Variants in FBXO42 observed in about 807,000 individuals in gnomAD.
The protein encoded by FBXO42 is F-box protein 42, also known as F-box only protein 42.
Under a neutral mutation model 71.7 loss-of-function variants are expected in FBXO42, and 12 were observed. The ratio of observed to expected loss-of-function variants is 0.17; its 90% confidence interval spans 0.11 to 0.27. FBXO42 has a LOEUF of 0.27. Ranked by LOEUF, FBXO42 falls within the 10% of genes least tolerant of loss-of-function variation. FBXO42 has a pLI of 1.00. For synonymous variants in FBXO42, 325 were observed against 327.5 expected, an observed-to-expected ratio of 0.99 and a Z score of 0.08; for missense variants, 707 against 911.9, an observed-to-expected ratio of 0.78 and a Z score of 2.89.
chr1:16,270,516 C>A (rs2081827688), intron 4 of FBXO42, among the ~76,000 whole-genome samples: 1 of 151,574 alleles, frequency 6.6e-6, no homozygotes, highest in African/African-American at 2.4e-5. Context: ...TTCTTTTCAT[C>A]ATCCTTCACT....
chr1:16,323,187 G>A (rs1557601815), intron 1 of FBXO42, among the ~76,000 whole-genome samples: 1 of 151,978 alleles, frequency 6.6e-6, no homozygotes, highest in Admixed American at 6.6e-5. Context: ...GGGAGGCCAA[G>A]GCGGAGGAAT....
chr1:16,336,910 G>A (rs1021989772), intron 1 of FBXO42, among the ~76,000 whole-genome samples: 4 of 152,080 alleles, frequency 2.6e-5, no homozygotes, highest in Non-Finnish European at 5.9e-5. Flanking sequence ...ACTTGAACCC[G>A]GGAGGTGGAG....
At chr1:16,349,819 T>C (rs1229134478) in intron 1 of FBXO42, among the ~76,000 whole-genome samples, 1 of 152,198 alleles carries the variant, frequency 6.6e-6, no homozygotes, top group Non-Finnish European at 1.5e-5. Context: ...CCGAGATCAT[T>C]GCACTCCAGC....
intron 2 of FBXO42, among the ~76,000 whole-genome samples, chr1:16,314,574 T>C (rs754395148): frequency 6.6e-5 from 10 of 152,238 alleles, no homozygotes; most frequent in East Asian, 1.9e-4. Flanking sequence ...TATGTTCACA[T>C]TGGCTATTAC....
chr1:16,255,684 C>A, intron 6 of FBXO42, 27 bp downstream of exon 6: 1 of 1,582,778 alleles, frequency 6.3e-7, no homozygotes, highest in Non-Finnish European at 8.7e-7. Context: ...CCTTCAGGCT[C>A]ATATGGAGCA....
chr1:16,272,937 G>A (rs2081861458), intron 4 of FBXO42, among the ~76,000 whole-genome samples: 3 of 152,062 alleles, frequency 2.0e-5, no homozygotes, highest in East Asian at 1.9e-4. Flanking sequence ...TTCTTGTCTC[G>A]ATTCTTTTTG....
intron 1 of FBXO42, among the ~76,000 whole-genome samples, chr1:16,350,795 A>AAGAAAGAAAGAAAGAAAG (rs1474819985): frequency 6.6e-6 from 1 of 151,380 alleles, no homozygotes; most frequent in Non-Finnish European, 1.5e-5. Flanking sequence ...GAAAGAAAGA[A>AAGAAAGAAAGAAAGAAAG]AATGGTCAAA....
intron 4 of FBXO42, among the ~76,000 whole-genome samples, chr1:16,270,751 TACAC>T (rs58610558): frequency 0.01 from 1,148 of 110,962 alleles, 7 homozygotes; most frequent in South Asian, 0.029. Flanking sequence ...TACCATGAGA[TACAC>T]ACACACACAC....
At chr1:16,340,500 G>A (rs2082592596) in intron 1 of FBXO42, among the ~76,000 whole-genome samples, 1 of 151,952 alleles carries the variant, frequency 6.6e-6, no homozygotes. Context: ...TGTATTTTTA[G>A]TAGAGACGGG....
chr1:16,280,779 A>G (rs2081955381), intron 4 of FBXO42, among the ~76,000 whole-genome samples: 1 of 152,152 alleles, frequency 6.6e-6, no homozygotes, highest in Non-Finnish European at 1.5e-5. Flanking sequence ...GTCTCCAGAA[A>G]AAAAAACAAA....
chr1:16,269,547 C>A (rs1429571660), intron 4 of FBXO42, among the ~76,000 whole-genome samples: 1 of 151,956 alleles, frequency 6.6e-6, no homozygotes, highest in Non-Finnish European at 1.5e-5. Context: ...TTATTTGAGA[C>A]AGAGTTTCGC....
chr1:16,294,218 G>A (rs2082107059), intron 4 of FBXO42: 1 of 152,402 alleles, frequency 6.6e-6, no homozygotes, highest in Non-Finnish European at 1.5e-5. Context: ...TTTTCCCCCA[G>A]GAGAGGTTAG....
At chr1:16,294,684 A>C in intron 4 of FBXO42, 99 bp downstream of exon 4, 1 of 1,282,290 alleles carries the variant, frequency 7.8e-7, no homozygotes, top group Non-Finnish European at 1.1e-6. Context: ...GAGTCCCAGT[A>C]ACCCATCCTT....
At chr1:16,274,496 T>G (rs2081877423) in intron 4 of FBXO42, among the ~76,000 whole-genome samples, 1 of 151,450 alleles carries the variant, frequency 6.6e-6, no homozygotes, top group Non-Finnish European at 1.5e-5. Context: ...TGTATACATA[T>G]GTAAAAAACA....
intron 6 of FBXO42, among the ~76,000 whole-genome samples, 153 bp downstream of exon 6, chr1:16,255,558 C>T (rs34277220): frequency 0.1 from 15,661 of 152,196 alleles, 915 homozygotes; most frequent in Non-Finnish European, 0.13. Flanking sequence ...TGGTCACAAA[C>T]TCCTGACCTC....
intron 3 of FBXO42, among the ~76,000 whole-genome samples, chr1:16,303,815 G>T (rs576950189): frequency 2.6e-5 from 4 of 151,990 alleles, no homozygotes; most frequent in African/African-American, 4.8e-5. Flanking sequence ...GCGTGATCTC[G>T]GCTCACTGCC....
chr1:16,348,700 C>A (rs2082674219), intron 1 of FBXO42, among the ~76,000 whole-genome samples: 1 of 151,594 alleles, frequency 6.6e-6, no homozygotes, highest in Non-Finnish European at 1.5e-5. Context: ...GACTTGGTCT[C>A]AAAAAAATAA....
chr1:16,327,463 A>C (rs1224377064), intron 1 of FBXO42, among the ~76,000 whole-genome samples: 1 of 152,196 alleles, frequency 6.6e-6, no homozygotes, highest in Non-Finnish European at 1.5e-5. Context: ...AGTAAAACAA[A>C]ACAAAAATGC....
At chr1:16,312,495 G>C (rs952724562) in intron 2 of FBXO42, among the ~76,000 whole-genome samples, 1 of 152,190 alleles carries the variant, frequency 6.6e-6, no homozygotes, top group African/African-American at 2.4e-5. Context: ...AAAAAAATCA[G>C]TGATTGCCAG....
Sources: gnomAD v4.1 joint callset for allele counts (sites outside exome capture counted in the v4.1 genomes callset) on GRCh38, gnomAD v4.1.1 for gene constraint, MANE v1.5 for transcripts, NCBI Gene and HGNC (gene_info 2026-07-23, HGNC 2026-07-21) for gene names.